TNNI3K: variants seen among roughly 807,000 people sequenced by gnomAD.
TNNI3K encodes the protein serine/threonine-protein kinase TNNI3K.
A neutral mutation model predicts 114.5 loss-of-function variants in TNNI3K; 140 were observed. That is an observed-to-expected ratio of 1.22 (90% CI 1.07 to 1.41). TNNI3K has a LOEUF of 1.41. TNNI3K is among the 40% of genes most tolerant of loss of function. The pLI is 0.00. For synonymous variants in TNNI3K, 347 were observed against 347.5 expected (o/e 1.00, Z 0.02); for missense variants, 1,125 against 1,007.6 (o/e 1.12, Z -1.58).
intron 23 of TNNI3K, among the ~76,000 whole-genome samples, chr1:74,501,705 T>C (rs1466527300): frequency 6.6e-6 from 1 of 152,068 alleles, no homozygotes; most frequent in Non-Finnish European, 1.5e-5. Flanking sequence ...GTCAGGCTGG[T>C]TGTGTATTCC....
At chr1:74,344,891 A>G (rs1430241667) in intron 9 of TNNI3K, among the ~76,000 whole-genome samples, 2 of 152,088 alleles carry the variant, frequency 1.3e-5, no homozygotes. Flanking sequence ...TGAGGAATTC[A>G]CTCTGAATAT....
At chr1:74,458,487 G>T (rs987250035) in intron 20 of TNNI3K, among the ~76,000 whole-genome samples, 8 of 152,076 alleles carry the variant, frequency 5.3e-5, no homozygotes, top group Admixed American at 6.6e-5. Flanking sequence ...TTGAATGAAA[G>T]ATATTATATT....
chr1:74,535,055 G>A (rs1646643418), intron 23 of TNNI3K, among the ~76,000 whole-genome samples: 1 of 152,082 alleles, frequency 6.6e-6, no homozygotes, highest in Admixed American at 6.6e-5. Context: ...ATTCAGCCCT[G>A]GCCAAATGTT....
intron 18 of TNNI3K, 91 bp downstream of exon 18, chr1:74,436,223 A>G (rs1344074996): frequency 6.6e-7 from 1 of 1,508,094 alleles, no homozygotes; most frequent in East Asian, 2.3e-5. Context: ...TGAACACTGA[A>G]CACTGACAGC....
chr1:74,481,150 T>A (rs1668482112), intron 21 of TNNI3K, among the ~76,000 whole-genome samples: 2 of 152,222 alleles, frequency 1.3e-5, no homozygotes, highest in South Asian at 4.1e-4. Context: ...TGGCTATATA[T>A]CAAAATGATG....
chr1:74,472,743 T>A (rs1009774856), intron 21 of TNNI3K, among the ~76,000 whole-genome samples: 1 of 152,178 alleles, frequency 6.6e-6, no homozygotes, highest in African/African-American at 2.4e-5. Context: ...AAAATGTTCA[T>A]TAAATATTTG....
rs552264950 is a variant in TNNI3K at position 74,259,630 on chromosome 1, A to G, written c.333+8861A>G. On this transcript the variant is annotated intron_variant, in intron 4 of 24. Coordinates refer to ENST00000326637, the MANE Select transcript of TNNI3K (RefSeq NM_015978.3). ...TCTACTAAAAATACAAAAATTAGCC[A>G]TATGTGGTGGTGTGCGCCTATAGTC... Among the ~76,000 whole-genome samples the G allele has an allele frequency of 9.2e-5, 14 of 152,186 alleles. No homozygotes were observed. In the South Asian group the frequency reaches 2.5e-3, roughly 27 times the overall value.
intron 4 of TNNI3K, among the ~76,000 whole-genome samples, chr1:74,253,538 C>T (rs954789147): frequency 2.6e-5 from 4 of 152,150 alleles, no homozygotes; most frequent in East Asian, 1.9e-4. Flanking sequence ...GCCAGTGGGC[C>T]GGCACTGCTG....
At chr1:74,517,795 C>A (rs566430008) in intron 23 of TNNI3K, among the ~76,000 whole-genome samples, 1 of 152,148 alleles carries the variant, frequency 6.6e-6, no homozygotes, top group Non-Finnish European at 1.5e-5. Flanking sequence ...TGAAAATGCA[C>A]CAGAATCACC....
chr1:74,543,789 G>A, intron 24 of TNNI3K, 117 bp from the exon 25 acceptor site: 1 of 1,129,576 alleles, frequency 8.9e-7, no homozygotes, highest in Non-Finnish European at 1.3e-6. Flanking sequence ...AGCAACCGTT[G>A]TCCAGATTGT....
At chr1:74,371,208 G>A (rs1433924367) in intron 17 of TNNI3K, 3 of 151,812 alleles carry the variant, frequency 2.0e-5, no homozygotes, top group East Asian at 1.9e-4. Context: ...CTTTATAGAA[G>A]CTTTACAGTT....
intron 23 of TNNI3K, among the ~76,000 whole-genome samples, chr1:74,530,507 AC>A (rs1290683778): frequency 6.6e-6 from 1 of 152,168 alleles, no homozygotes; most frequent in Non-Finnish European, 1.5e-5. Context: ...TTGTTTTCCC[AC>A]TGTCCTTAAA....
intron 20 of TNNI3K, among the ~76,000 whole-genome samples, chr1:74,452,731 A>C (rs1570640681): frequency 6.6e-6 from 1 of 152,300 alleles, no homozygotes; most frequent in East Asian, 1.9e-4. Context: ...TAAAAACAAA[A>C]CATCTTAAAA....
chr1:74,336,076 C>G lies in TNNI3K; in HGVS notation c.609C>G (p.Pro203=), dbSNP rs199722354. The stretch of plus-strand genomic sequence containing the variant: ...TAAGTGGTGAAGTTGGAGATAGACC[C>G]CTCCACCTAGCATCTGCAAAAGGAT... ...VNVSGEVGDR[P]LHLASAKGFL... The change falls in exon 7 of 25, where the codon CCC becomes CCG. Residue 203 remains proline (P), a synonymous_variant. Coordinates refer to ENST00000326637, the MANE Select transcript of TNNI3K (RefSeq NM_015978.3). The G allele has an allele frequency of 2.4e-5, 38 of 1,602,180 alleles. No homozygotes were observed. Among genetic ancestry groups the G allele is most frequent in the Non-Finnish European group, 3.0e-5 (35 of 1,176,614 alleles).
intron 21 of TNNI3K, among the ~76,000 whole-genome samples, chr1:74,483,837 C>G (rs1668619002): frequency 6.6e-6 from 1 of 152,094 alleles, no homozygotes; most frequent in Non-Finnish European, 1.5e-5. Flanking sequence ...TAATCTCAGA[C>G]ACTGAGTCTT....
At chr1:74,402,006 A>G in intron 17 of TNNI3K, 1 of 268,542 alleles carries the variant, frequency 3.7e-6, no homozygotes, top group Non-Finnish European at 7.4e-6. Flanking sequence ...ATATATTTTG[A>G]ATATTGAATA....
chr1:74,483,343 G>A (rs920983905), intron 21 of TNNI3K: 21 of 717,208 alleles, frequency 2.9e-5, no homozygotes, highest in South Asian at 5.9e-5. Context: ...GCCACCAACC[G>A]CAACATGATG....
chr1:74,277,445 G>A (rs1656751523), intron 5 of TNNI3K, among the ~76,000 whole-genome samples: 1 of 152,082 alleles, frequency 6.6e-6, no homozygotes, highest in African/African-American at 2.4e-5. Context: ...AACGGAATAT[G>A]TTACTATATA....
chr1:74,244,756 A>C (rs1233711008), intron 2 of TNNI3K, among the ~76,000 whole-genome samples: 1 of 151,396 alleles, frequency 6.6e-6, no homozygotes, highest in Admixed American at 6.6e-5. Context: ...GGCGTATAGT[A>C]GGTGTTTAGC....
Sources: allele counts gnomAD v4.1 joint callset (sites outside exome capture counted in the v4.1 genomes callset), GRCh38; gene constraint gnomAD v4.1.1; transcripts MANE v1.5; gene names NCBI Gene and HGNC (gene_info 2026-07-23, HGNC 2026-07-21).